FHIT: variants seen among roughly 807,000 people sequenced by gnomAD.
FHIT encodes fragile histidine triad diadenosine triphosphatase, also known as bis(5'-adenosyl)-triphosphatase.
In FHIT, 19 loss-of-function variants were observed where a neutral mutation model predicts 17.9. That is an observed-to-expected ratio of 1.06 (90% CI 0.74 to 1.56). The LOEUF is 1.56. FHIT is among the 40% of genes most tolerant of loss of function. The pLI is 0.00. For missense variants in FHIT, 248 were observed against 189.2 expected (o/e 1.31, Z -1.82); for synonymous variants, 81 against 69.7 (o/e 1.16, Z -0.81).
chr3:60,162,400 T>C (rs1700978611), intron 5 of FHIT, among the ~76,000 whole-genome samples: 1 of 152,182 alleles, frequency 6.6e-6, no homozygotes, highest in South Asian at 2.1e-4. Context: ...CGGTTACAAA[T>C]TCTCAAGTGC....
chr3:61,087,896 T>C (rs1053796324), intron 2 of FHIT, among the ~76,000 whole-genome samples: 1 of 152,052 alleles, frequency 6.6e-6, no homozygotes, highest in African/African-American at 2.4e-5. Flanking sequence ...TACTACAGTA[T>C]CTCACAAAAT....
At chr3:60,546,020 GTCT>G (rs2036348088) in intron 4 of FHIT, among the ~76,000 whole-genome samples, 1 of 151,938 alleles carries the variant, frequency 6.6e-6, no homozygotes, top group Non-Finnish European at 1.5e-5. Flanking sequence ...CACTCCCTTG[GTCT>G]TCTTATTCCT....
At chr3:60,122,111 T>TAAAA (rs72498196) in intron 5 of FHIT, among the ~76,000 whole-genome samples, 19 of 149,906 alleles carry the variant, frequency 1.3e-4, no homozygotes, top group Admixed American at 4.0e-4. Flanking sequence ...AAATTGCAAC[T>TAAAA]AAAAAAAAAC....
chr3:61,173,483 T>C (rs1261627722), intron 2 of FHIT, among the ~76,000 whole-genome samples: 2 of 152,196 alleles, frequency 1.3e-5, no homozygotes, highest in Non-Finnish European at 2.9e-5. Flanking sequence ...ATGTCTTTGG[T>C]GGTATGAACT....
intron 2 of FHIT, among the ~76,000 whole-genome samples, chr3:61,088,651 A>G (rs2035379307): frequency 6.6e-6 from 1 of 152,178 alleles, no homozygotes; most frequent in Non-Finnish European, 1.5e-5. Flanking sequence ...AAATATTAAT[A>G]TTCACCAATG....
intron 5 of FHIT, among the ~76,000 whole-genome samples, chr3:60,480,039 G>A (rs1361720674): frequency 2.0e-5 from 3 of 152,164 alleles, no homozygotes; most frequent in Non-Finnish European, 4.4e-5. Flanking sequence ...GGTACTTTAT[G>A]AAGAGAAGAG....
rs1708978652 is a variant in FHIT, at chr3:60,312,158, T to G, written c.103+224702A>C. ...GTACTAATGGGATAAAAAAATCTTT[T>G]TTTTAAGATGGGGGTAGCCCAGGCT... On this transcript the variant is annotated intron_variant, in intron 5 of 9. Transcript: ENST00000492590. 3.3e-5 allele frequency among the ~76,000 whole-genome samples: 5 copies of G among 152,116 alleles called. No individual in the cohort carries two copies. In the South Asian group the frequency reaches 1.0e-3, roughly 32 times the overall value.
chr3:60,782,233 G>GTATATATATATATATATATATATATATA (rs775581148), intron 4 of FHIT, among the ~76,000 whole-genome samples: 25 of 133,170 alleles, frequency 1.9e-4, no homozygotes, highest in African/African-American at 3.4e-4. Flanking sequence ...GTGTGTGTGT[G>GTATATATATATATATATATATATATATA]TGTGTATATA....
intron 3 of FHIT, among the ~76,000 whole-genome samples, chr3:60,928,868 G>A (rs558625332): frequency 1.3e-5 from 2 of 152,252 alleles, no homozygotes; most frequent in Non-Finnish European, 2.9e-5. Context: ...CATTTTATGA[G>A]GCCAGCATCA....
chr3:60,912,437 T>C (rs9821525), intron 3 of FHIT, among the ~76,000 whole-genome samples: 53,094 of 152,028 alleles, frequency 0.35, 11,545 homozygotes, highest in East Asian at 0.83. Context: ...ATTATAGGGA[T>C]TAAGTGAGAA....
chr3:61,125,828 T>C (rs1309313896), intron 2 of FHIT, among the ~76,000 whole-genome samples: 1 of 152,138 alleles, frequency 6.6e-6, no homozygotes, highest in Non-Finnish European at 1.5e-5. Context: ...TTCAAGGAAA[T>C]TTTTTTAAAT....
chr3:60,084,669 A>T (rs1053382563), intron 5 of FHIT, among the ~76,000 whole-genome samples: 1 of 152,142 alleles, frequency 6.6e-6, no homozygotes, highest in Non-Finnish European at 1.5e-5. Context: ...ACGAGTAAAC[A>T]CGCTGAGGAC....
intron 5 of FHIT, among the ~76,000 whole-genome samples, chr3:60,337,978 A>T (rs1400417235): frequency 6.6e-6 from 1 of 152,168 alleles, no homozygotes; most frequent in Non-Finnish European, 1.5e-5. Flanking sequence ...AGTTCGAAAA[A>T]TCGAACACCC....
chr3:60,009,251 A>G lies in FHIT; in HGVS notation c.279+2120T>C, dbSNP rs953542920. ...TGTGTATGGTGGTTTTCTTATAACC[A>G]CCATATTCTACAAACGAGTCAAGAT... On this transcript the variant is annotated intron_variant, in intron 7 of 9. Transcript: ENST00000492590. 5.5e-5 allele frequency among the ~76,000 whole-genome samples: 8 copies of G among 146,184 alleles called. No individual in the cohort carries two copies. In the East Asian group the frequency reaches 1.4e-3, roughly 26 times the overall value.
chr3:60,113,055 A>C (rs747242804), intron 5 of FHIT, among the ~76,000 whole-genome samples: 1 of 152,174 alleles, frequency 6.6e-6, no homozygotes, highest in African/African-American at 2.4e-5. Context: ...GGCTTTCCTG[A>C]CCATCCAATC....
chr3:60,273,919 G>A (rs545733391), intron 5 of FHIT, among the ~76,000 whole-genome samples: 1 of 152,232 alleles, frequency 6.6e-6, no homozygotes, highest in East Asian at 1.9e-4. Context: ...TCATCTTTGT[G>A]TAGATTAAAT....
chr3:60,520,692 T>C (rs1346447345), intron 5 of FHIT, among the ~76,000 whole-genome samples: 1 of 152,086 alleles, frequency 6.6e-6, no homozygotes, highest in African/African-American at 2.4e-5. Flanking sequence ...GACACTAACA[T>C]GGTGTTAGAG....
At chr3:60,163,318 T>G (rs1701020233) in intron 5 of FHIT, among the ~76,000 whole-genome samples, 1 of 152,046 alleles carries the variant, frequency 6.6e-6, no homozygotes, top group African/African-American at 2.4e-5. Context: ...GGTAGGTAGG[T>G]ACTACCTTTA....
At chr3:59,991,587 C>T (rs1334884178) in intron 7 of FHIT, among the ~76,000 whole-genome samples, 1 of 152,054 alleles carries the variant, frequency 6.6e-6, no homozygotes, top group Non-Finnish European at 1.5e-5. Context: ...TCATTGCTAT[C>T]GGGTTATTCT....
Sources: allele counts gnomAD v4.1 joint callset (sites outside exome capture counted in the v4.1 genomes callset), GRCh38; gene constraint gnomAD v4.1.1; transcripts MANE v1.5; gene names NCBI Gene and HGNC (gene_info 2026-07-23, HGNC 2026-07-21).